GABRB1: variants seen among roughly 807,000 people sequenced by gnomAD.
GABRB1 encodes the protein gamma-aminobutyric acid receptor subunit beta-1.
Under a neutral mutation model 51.6 loss-of-function variants are expected in GABRB1, and 17 were observed. The observed-to-expected ratio is 0.33, with a 90% CI of 0.23 to 0.49. The LOEUF is 0.49. GABRB1 is among the 20% of genes least tolerant of loss of function. The probability of loss-of-function intolerance (pLI) is 0.99; values close to 1 mark genes in which losing one functional copy is unlikely to be tolerated. For missense variants in GABRB1, 410 were observed against 600.6 expected (o/e 0.68, Z 3.32); for synonymous variants, 247 against 218.9 (o/e 1.13, Z -1.14).
chr4:47,360,040 G>A (rs759839684), intron 5 of GABRB1, among the ~76,000 whole-genome samples: 3 of 151,720 alleles, frequency 2.0e-5, no homozygotes, highest in Non-Finnish European at 4.4e-5. Flanking sequence ...AGAGCGGGGA[G>A]GATCACCTAA....
At chr4:47,394,849 T>C (rs1728127471) in intron 5 of GABRB1, among the ~76,000 whole-genome samples, 2 of 152,178 alleles carry the variant, frequency 1.3e-5, no homozygotes, top group Admixed American at 6.5e-5. Context: ...TTAACTTATC[T>C]GATTTTTGTG....
intron 3 of GABRB1, among the ~76,000 whole-genome samples, chr4:47,128,014 G>A (rs1716239215): frequency 6.6e-6 from 1 of 151,672 alleles, no homozygotes; most frequent in South Asian, 2.1e-4. Flanking sequence ...AACTAAGAAA[G>A]TCATTAATTA....
At chr4:47,210,668 C>A (rs1720317853) in intron 4 of GABRB1, among the ~76,000 whole-genome samples, 1 of 151,380 alleles carries the variant, frequency 6.6e-6, no homozygotes, top group African/African-American at 2.4e-5. Flanking sequence ...CTTTAGATGG[C>A]TGTATAGTAT....
At chr4:47,311,530 G>A (rs985129547) in intron 4 of GABRB1, among the ~76,000 whole-genome samples, 3 of 152,068 alleles carry the variant, frequency 2.0e-5, no homozygotes, top group Admixed American at 6.6e-5. Flanking sequence ...TTTGAAGATG[G>A]AGGAAGGGTC....
At position 47,010,659 on chromosome 4, in the gene GABRB1, G is replaced by A. The variant is rs1724557016; in HGVS notation, c.-20+16733G>A. 2.0e-5 allele frequency among the ~76,000 whole-genome samples: 3 copies of A among 152,188 alleles called. No homozygotes were observed. In the South Asian group the frequency reaches 6.2e-4, roughly 32 times the overall value. ...CATCACCATATATTCTTATTATGTAGCAAAGTTCCTGAATCTTCCTCCCCA... is the reference window on the plus strand; with the variant it reads ...CATCACCATATATTCTTATTATGTAACAAAGTTCCTGAATCTTCCTCCCCA... On this transcript the variant is annotated intron_variant, in intron 1 of 3. Coordinates refer to the GABRB1 transcript ENST00000513567.
chr4:47,163,985 T>C (rs867435994), intron 4 of GABRB1, among the ~76,000 whole-genome samples: 1 of 151,880 alleles, frequency 6.6e-6, no homozygotes, highest in East Asian at 1.9e-4. Flanking sequence ...TTAACAATCA[T>C]AGCAGAAGAG....
intron 4 of GABRB1, among the ~76,000 whole-genome samples, chr4:47,257,775 A>G (rs1400586339): frequency 6.6e-6 from 1 of 151,962 alleles, no homozygotes; most frequent in Non-Finnish European, 1.5e-5. Flanking sequence ...AAAAGACTTT[A>G]CTTTGTTCTA....
chr4:47,019,633 T>TTCTCTCTCTCTCTC (rs1432340967), intron 1 of GABRB1, among the ~76,000 whole-genome samples: 1 of 43,656 alleles, frequency 2.3e-5, no homozygotes, highest in African/African-American at 1.3e-4. Context: ...CTCTCTTTCT[T>TTCTCTCTCTCTCTC]TCTTTCTTTC....
intron 4 of GABRB1, among the ~76,000 whole-genome samples, chr4:47,162,840 G>A (rs1319806291): frequency 6.6e-6 from 1 of 151,978 alleles, no homozygotes; most frequent in African/African-American, 2.4e-5. Flanking sequence ...GTTGTCTAGC[G>A]AACAGACAAT....
At chr4:47,249,149 A>T (rs534267595) in intron 4 of GABRB1, among the ~76,000 whole-genome samples, 2 of 151,902 alleles carry the variant, frequency 1.3e-5, no homozygotes, top group African/African-American at 4.8e-5. Context: ...GCATTTAGGG[A>T]TATGAACTTT....
intron 5 of GABRB1, among the ~76,000 whole-genome samples, chr4:47,355,410 T>C (rs1447464465): frequency 1.3e-5 from 2 of 152,182 alleles, no homozygotes; most frequent in African/African-American, 4.8e-5. Context: ...TCATCTTCTA[T>C]GCTTCCACTG....
chr4:47,118,637 T>C (rs1715611050), intron 3 of GABRB1, among the ~76,000 whole-genome samples: 1 of 152,186 alleles, frequency 6.6e-6, no homozygotes, highest in African/African-American at 2.4e-5. Context: ...TTCCTGAATC[T>C]TTCTTATTAA....
chr4:47,196,834 G>T (rs1719702409), intron 4 of GABRB1, among the ~76,000 whole-genome samples: 1 of 152,190 alleles, frequency 6.6e-6, no homozygotes, highest in African/African-American at 2.4e-5. Flanking sequence ...GTATTTCTGT[G>T]CCTCATGAAC....
chr4:47,007,599 A>T (rs1290104179), intron 1 of GABRB1, among the ~76,000 whole-genome samples: 2 of 152,178 alleles, frequency 1.3e-5, no homozygotes, highest in Non-Finnish European at 2.9e-5. Context: ...TCTCAAGTTG[A>T]CCACATGCTG....
chr4:47,151,599 T>C (rs1415500100), intron 3 of GABRB1, among the ~76,000 whole-genome samples: 1 of 152,034 alleles, frequency 6.6e-6, no homozygotes, highest in Non-Finnish European at 1.5e-5. Flanking sequence ...AAAACCACCA[T>C]ATTCTGAATA....
At chr4:47,254,782 G>T (rs1417317870) in intron 4 of GABRB1, among the ~76,000 whole-genome samples, 2 of 152,134 alleles carry the variant, frequency 1.3e-5, no homozygotes, top group Non-Finnish European at 2.9e-5. Context: ...ATTTGGGAGA[G>T]ACATTATTAT....
intron 4 of GABRB1, among the ~76,000 whole-genome samples, chr4:47,162,177 T>G (rs1717985893): frequency 6.6e-6 from 1 of 152,092 alleles, no homozygotes. Context: ...ACAGTTCCCT[T>G]GAGTCTATTG....
At chr4:47,310,950 G>C (rs1344386716) in intron 4 of GABRB1, among the ~76,000 whole-genome samples, 1 of 147,986 alleles carries the variant, frequency 6.8e-6, no homozygotes, top group African/African-American at 2.5e-5. Flanking sequence ...GATCACTTGA[G>C]ACCAGGAGGC....
At chr4:47,303,450 A>G (rs1194871581) in intron 4 of GABRB1, among the ~76,000 whole-genome samples, 3 of 151,778 alleles carry the variant, frequency 2.0e-5, no homozygotes, top group African/African-American at 7.2e-5. Flanking sequence ...ATAGGAAATA[A>G]TATCAAGTTA....
Sources: allele counts gnomAD v4.1 joint callset (sites outside exome capture counted in the v4.1 genomes callset), GRCh38; gene constraint gnomAD v4.1.1; transcripts MANE v1.5; gene names NCBI Gene and HGNC (gene_info 2026-07-23, HGNC 2026-07-21).